Variants in ANKRD30B observed in about 807,000 individuals in gnomAD.
ANKRD30B encodes ankyrin repeat domain-containing protein 30B.
In ANKRD30B, 144 loss-of-function variants were observed where a neutral mutation model predicts 202.2. The ratio of observed to expected loss-of-function variants is 0.71; its 90% CI spans 0.62 to 0.82. The LOEUF (loss-of-function observed/expected upper bound fraction) is 0.82. Ranked by LOEUF, ANKRD30B falls within the 40% of genes least tolerant of loss-of-function variation. ANKRD30B has a pLI of 0.00. For synonymous variants in ANKRD30B, 508 were observed against 561.3 expected (o/e 0.91, Z 1.34); for missense variants, 1,487 against 1,669.1 (o/e 0.89, Z 1.90).
intron 34 of ANKRD30B, among the ~76,000 whole-genome samples, chr18:14,832,954 T>G (rs1329841792): frequency 2.0e-5 from 3 of 152,210 alleles, no homozygotes; most frequent in Non-Finnish European, 4.4e-5. Flanking sequence ...TTTGTTTTTT[T>G]GAGATGGAGT....
chr18:14,797,769 C>G lies in ANKRD30B; in HGVS notation c.1957-13C>G. 6.3e-7 allele frequency: 1 copy of G among 1,575,686 alleles called. No individual in the cohort carries two copies. Among genetic ancestry groups the G allele is most frequent in the Non-Finnish European group, 8.6e-7 (1 of 1,159,644 alleles). ...CATTATATATTAATTTTTGTGTTTC[C>G]GAACCCATTTAGCCTACCTGTGGAA... On this transcript the variant is annotated splice_polypyrimidine_tract_variant and intron_variant, in intron 19 of 43. Transcript: ENST00000690538.
chr18:14,894,498 G>A, the ANKRD30B span, among the ~76,000 whole-genome samples: 1 of 151,318 alleles, frequency 6.6e-6, no homozygotes, highest in Admixed American at 6.6e-5. Context: ...GTTTTGAAGG[G>A]GTATATATTA....
the ANKRD30B span, among the ~76,000 whole-genome samples, chr18:14,877,142 G>A: frequency 6.6e-6 from 1 of 152,370 alleles, no homozygotes; most frequent in East Asian, 1.9e-4. Context: ...GTTCTGGAGA[G>A]TTTAGTCTGG....
the ANKRD30B span, chr18:14,883,436 T>G: frequency 5.0e-3 from 687 of 138,188 alleles, 7 homozygotes; most frequent in African/African-American, 0.018. Context: ...TCTATATATA[T>G]CTCCTGTTCT....
chr18:14,930,320 G>A, the ANKRD30B span, among the ~76,000 whole-genome samples: 6 of 151,516 alleles, frequency 4.0e-5, no homozygotes, highest in East Asian at 2.0e-4. Flanking sequence ...TCAGAAGGCC[G>A]CACAAGGGCA....
At chr18:14,881,870 G>A in the ANKRD30B span, among the ~76,000 whole-genome samples, 1 of 151,854 alleles carries the variant, frequency 6.6e-6, no homozygotes, top group Non-Finnish European at 1.5e-5. Flanking sequence ...AACTCTTCTA[G>A]GTTTTCTAGT....
At chr18:14,935,392 G>C in the ANKRD30B span, among the ~76,000 whole-genome samples, 1 of 152,186 alleles carries the variant, frequency 6.6e-6, no homozygotes, top group Non-Finnish European at 1.5e-5. Context: ...AAGGTCGCCT[G>C]TCCACAGACT....
chr18:14,763,670 A>C lies in ANKRD30B; in HGVS notation c.821-16A>C, dbSNP rs751226338. The stretch of plus-strand genomic sequence containing the variant: ...TTAAGCAGAAAGAAAATTTAACCAG[A>C]TTGTGTGTTTGGCAGAAGGAACATC... On this transcript the variant is annotated splice_polypyrimidine_tract_variant and intron_variant, in intron 6 of 43. Coordinates refer to ENST00000690538, the MANE Select transcript of ANKRD30B (RefSeq NM_001367607.2). 1 of 1,612,298 alleles carries C rather than the reference A, an allele frequency of 6.2e-7. No homozygotes were observed. Among genetic ancestry groups the C allele is most frequent in the East Asian group, 2.2e-5 (1 of 44,874 alleles).
intron 4 of ANKRD30B, among the ~76,000 whole-genome samples, chr18:14,756,681 G>A (rs1196685090): frequency 2.0e-5 from 3 of 152,284 alleles, no homozygotes; most frequent in Middle Eastern, 3.4e-3. Flanking sequence ...ATCACTTGAG[G>A]CCAGGAGTTT....
chr18:14,837,078 G>C (rs1971207790), intron 34 of ANKRD30B, 133 bp from the exon 35 acceptor site: 1 of 591,750 alleles, frequency 1.7e-6, no homozygotes, highest in Non-Finnish European at 3.0e-6. Context: ...CCTATGATTT[G>C]ACAGATACAA....
chr18:14,903,032 G>A, the ANKRD30B span, among the ~76,000 whole-genome samples: 2 of 152,108 alleles, frequency 1.3e-5, 1 homozygote, highest in African/African-American at 4.8e-5. Flanking sequence ...CTTTCACGGG[G>A]CTAAAATCGA....
At chr18:14,875,022 A>T in the ANKRD30B span, among the ~76,000 whole-genome samples, 1 of 152,160 alleles carries the variant, frequency 6.6e-6, no homozygotes, top group East Asian at 1.9e-4. Flanking sequence ...ATCAACAGTG[A>T]CTTGAACCCG....
At chr18:14,753,391 C>A (rs867423827) in intron 3 of ANKRD30B, among the ~76,000 whole-genome samples, 8 of 152,176 alleles carry the variant, frequency 5.3e-5, no homozygotes, top group Admixed American at 2.0e-4. Context: ...TAAAGGATTG[C>A]ATCTGGTGTC....
the ANKRD30B span, among the ~76,000 whole-genome samples, chr18:14,871,144 C>CTCA: frequency 7.9e-6 from 1 of 126,482 alleles, no homozygotes; most frequent in East Asian, 2.2e-4. Flanking sequence ...CCCACACACC[C>CTCA]CCACCCACAC....
the ANKRD30B span, among the ~76,000 whole-genome samples, chr18:14,873,282 T>C: frequency 6.6e-6 from 1 of 152,038 alleles, no homozygotes; most frequent in Non-Finnish European, 1.5e-5. Context: ...TCCCAGCACT[T>C]GGGGAGGCCG....
chr18:14,901,839 C>A, the ANKRD30B span, among the ~76,000 whole-genome samples: 15 of 152,274 alleles, frequency 9.9e-5, no homozygotes, highest in East Asian at 2.5e-3. Flanking sequence ...CTTTGAGGAA[C>A]TAAGAAGCTG....
At chr18:14,936,842 C>G in the ANKRD30B span, among the ~76,000 whole-genome samples, 1 of 152,226 alleles carries the variant, frequency 6.6e-6, no homozygotes, top group African/African-American at 2.4e-5. Flanking sequence ...AAGACGGGGC[C>G]AGGCTGGGAG....
chr18:14,757,781 C>T (rs772504136), intron 4 of ANKRD30B, 34 bp from the exon 5 acceptor site: 1 of 1,599,882 alleles, frequency 6.3e-7, no homozygotes, highest in Admixed American at 1.7e-5. Context: ...TAAATTGATT[C>T]TGCTCATAAT....
chr18:14,775,754 C>G (rs531514107), intron 9 of ANKRD30B, among the ~76,000 whole-genome samples: 1 of 152,156 alleles, frequency 6.6e-6, no homozygotes. Flanking sequence ...TAGCAAAGGC[C>G]TCACCAGTTA....
Sources: gnomAD v4.1 joint callset for allele counts (sites outside exome capture counted in the v4.1 genomes callset) on GRCh38, gnomAD v4.1.1 for gene constraint, MANE v1.5 for transcripts, NCBI Gene and HGNC (gene_info 2026-07-23, HGNC 2026-07-21) for gene names.